SUPT20H: variants seen among roughly 807,000 people sequenced by gnomAD.
SUPT20H encodes SPT20 homolog, SAGA complex component.
Under a neutral mutation model 122.8 loss-of-function variants are expected in SUPT20H, and 82 were observed. The observed-to-expected ratio is 0.67, with a 90% CI of 0.56 to 0.80. SUPT20H has a LOEUF of 0.80. Among genes scored for constraint, SUPT20H ranks in the 30% least tolerant of loss-of-function variants. SUPT20H has a pLI of 0.00. For missense variants in SUPT20H, 831 were observed against 921.6 expected (o/e 0.90, Z 1.27); for synonymous variants, 291 against 313.0 (o/e 0.93, Z 0.74).
chr13:37,013,061 A>C (rs2059869565), intron 23 of SUPT20H: 1 of 152,156 alleles, frequency 6.6e-6, no homozygotes, highest in African/African-American at 2.4e-5. Flanking sequence ...CAACAAGTTT[A>C]ACTCAATTCT....
chr13:37,028,048 A>T, intron 14 of SUPT20H, 100 bp downstream of exon 14: 1 of 1,178,808 alleles, frequency 8.5e-7, no homozygotes, highest in Non-Finnish European at 1.1e-6. Flanking sequence ...GAGTTCCCAA[A>T]GAGAAATTTT....
rs374296807 is a variant in SUPT20H, at chr13:37,040,465, G to T, written c.514-7C>A. 4.1e-5 allele frequency: 64 copies of T among 1,576,250 alleles called. No homozygotes were observed. The highest frequency in any genetic ancestry group is 3.5e-4 in the Middle Eastern group (2 of 5,664). ...GTACATCACAAATTAAAGTCTAGAAGAAATAAAAATTTAAAAAACTTATTA... is the reference window on the plus strand; with the variant it reads ...GTACATCACAAATTAAAGTCTAGAATAAATAAAAATTTAAAAAACTTATTA... On this transcript the variant is annotated splice_region_variant and splice_polypyrimidine_tract_variant and intron_variant, in intron 8 of 25. Coordinates refer to ENST00000350612, the MANE Select transcript of SUPT20H (RefSeq NM_001014286.3).
rs535104789 is a variant in SUPT20H, at chr13:37,054,263, T to G, written c.-93-2680A>C. Reference sequence around the variant, plus strand: ...AAAAGAGGGAATCCTCCCTAACTCATTTTATGAGGCCAGCATCATCCTGAT... The same window carrying G: ...AAAAGAGGGAATCCTCCCTAACTCAGTTTATGAGGCCAGCATCATCCTGAT... On this transcript the variant is annotated intron_variant, in intron 1 of 25. Coordinates refer to ENST00000350612, the MANE Select transcript of SUPT20H (RefSeq NM_001014286.3). 1.1e-4 allele frequency among the ~76,000 whole-genome samples: 17 copies of G among 152,324 alleles called. No individual in the cohort carries two copies. In the South Asian group the frequency reaches 3.5e-3, roughly 32 times the overall value.
chr13:37,048,010 A>G (rs1007440472), intron 3 of SUPT20H, 74 bp from the exon 4 acceptor site: 11 of 1,104,684 alleles, frequency 1.0e-5, no homozygotes, highest in Non-Finnish European at 1.3e-5. Flanking sequence ...AGTATATCTA[A>G]AACATACGTA....
At chr13:37,026,680 G>T in intron 15 of SUPT20H, 110 bp downstream of exon 15, 1 of 653,734 alleles carries the variant, frequency 1.5e-6, no homozygotes, top group Non-Finnish European at 2.5e-6. Context: ...TTCAAACAAA[G>T]TATACATATT....
At chr13:37,011,251 G>A in intron 24 of SUPT20H, among the ~76,000 whole-genome samples, 1 of 132,446 alleles carries the variant, frequency 7.6e-6, no homozygotes, top group East Asian at 1.9e-4. Context: ...ATGGCAGTCT[G>A]TGGCTAAGAA....
At position 37,012,311 on chromosome 13, in the gene SUPT20H, TAATA is replaced by T. The variant is rs2059748423; in HGVS notation, c.1993-18_1993-15del. 6.3e-7 allele frequency: 1 copy of T among 1,597,346 alleles called. No individual in the cohort carries two copies. Among genetic ancestry groups the T allele is most frequent in the African/African-American group, 1.3e-5 (1 of 74,222 alleles). Reference sequence around the variant, plus strand: ...TTGCTCAGAACCCTGAATAAAAAAATAATAAATGACTTGTACAAGAAAGAAAAAC... The same window carrying T: ...TTGCTCAGAACCCTGAATAAAAAAATAATGACTTGTACAAGAAAGAAAAAC... On this transcript the variant is annotated splice_polypyrimidine_tract_variant and intron_variant, in intron 23 of 25. Coordinates refer to ENST00000350612, the MANE Select transcript of SUPT20H (RefSeq NM_001014286.3).
intron 10 of SUPT20H, among the ~76,000 whole-genome samples, chr13:37,032,424 G>C (rs1004963198): frequency 3.3e-5 from 5 of 152,070 alleles, no homozygotes; most frequent in African/African-American, 1.2e-4. Context: ...AAAAATCAAC[G>C]ATTCTTCTTA....
intron 16 of SUPT20H, chr13:37,025,706 TTAAG>T (rs1189823968): frequency 1.2e-5 from 4 of 324,834 alleles, no homozygotes; most frequent in Non-Finnish European, 2.3e-5. Context: ...CAGGGATTAC[TTAAG>T]TAATAAGCAG....
chr13:37,036,347 A>G (rs2064395584), intron 9 of SUPT20H, among the ~76,000 whole-genome samples: 1 of 148,554 alleles, frequency 6.7e-6, no homozygotes, highest in African/African-American at 2.5e-5. Context: ...TTTCTTTGAG[A>G]CGGAGTCTTG....
chr13:37,034,583 A>G (rs2063993170), intron 9 of SUPT20H, among the ~76,000 whole-genome samples: 1 of 152,230 alleles, frequency 6.6e-6, no homozygotes, highest in South Asian at 2.1e-4. Context: ...CCATAACACA[A>G]AAGTGCAAGG....
intron 22 of SUPT20H, among the ~76,000 whole-genome samples, chr13:37,018,663 T>C (rs1233960010): frequency 1.3e-5 from 2 of 152,174 alleles, no homozygotes; most frequent in Non-Finnish European, 2.9e-5. Flanking sequence ...TCACCCCCCT[T>C]GTTTTTCTTT....
At chr13:37,010,682 G>C (rs777116784) in intron 24 of SUPT20H, 27 bp from the exon 25 acceptor site, 1 of 1,592,622 alleles carries the variant, frequency 6.3e-7, no homozygotes, top group Non-Finnish European at 8.6e-7. Flanking sequence ...GGGAAAGCAG[G>C]CCAGTCAAAA....
At position 37,009,357 on chromosome 13, in the gene SUPT20H, C is replaced by A; in HGVS notation, c.*315G>T. 1 of 967,916 alleles carries A rather than the reference C, an allele frequency of 1.0e-6. No homozygotes were observed. The highest frequency in any genetic ancestry group is 1.6e-6 in the Non-Finnish European group (1 of 621,910). The allele number at this position is 967,916 out of a possible 1,614,324, so 60.0% of individuals were successfully genotyped here. ...AAATTGTATTTGTTAACACTGTGCACAAACGTTTTATACTAAATAAATATC... is the reference window on the plus strand; with the variant it reads ...AAATTGTATTTGTTAACACTGTGCAAAAACGTTTTATACTAAATAAATATC... On this transcript the variant is annotated 3_prime_UTR_variant, in exon 26 of 26. Transcript: ENST00000350612.
intron 17 of SUPT20H, 105 bp from the exon 18 acceptor site, chr13:37,024,547 G>A: frequency 1.3e-6 from 1 of 760,218 alleles, no homozygotes; most frequent in Non-Finnish European, 1.9e-6. Context: ...AATTAATACT[G>A]CTATAAATCC....
intron 14 of SUPT20H, 116 bp from the exon 15 acceptor site, chr13:37,026,932 T>C (rs910639881): frequency 9.1e-6 from 6 of 656,754 alleles, no homozygotes; most frequent in Non-Finnish European, 1.4e-5. Flanking sequence ...TAATAAATCA[T>C]GCAGCTACTC....
In SUPT20H at chr13:37,029,672, A is replaced by C. The variant is rs113941160; in HGVS notation, c.993+93T>G. ...TAATTTAAAAAAGAAAAAAGGTCCCAAACTAATGGCAATTGCACTTTATGT... is the reference window on the plus strand; with the variant it reads ...TAATTTAAAAAAGAAAAAAGGTCCCCAACTAATGGCAATTGCACTTTATGT... On this transcript the variant is annotated intron_variant, in intron 13 of 25. Coordinates refer to ENST00000350612, the MANE Select transcript of SUPT20H (RefSeq NM_001014286.3). The C allele has an allele frequency of 5.1e-3, 5,467 of 1,076,320 alleles. 28 individuals carry two copies. The highest frequency in any genetic ancestry group is 0.023 in the Middle Eastern group (117 of 5,020). 66.7% of individuals were successfully genotyped at this position (1,076,320 alleles called of 1,614,324 possible).
At chr13:37,027,447 G>T (rs541656681) in intron 14 of SUPT20H, among the ~76,000 whole-genome samples, 1 of 152,034 alleles carries the variant, frequency 6.6e-6, no homozygotes, top group Admixed American at 6.6e-5. Context: ...CCTAAATATT[G>T]GTGGGGTTGC....
At chr13:37,054,915 A>G (rs2139402027) in intron 1 of SUPT20H, among the ~76,000 whole-genome samples, 1 of 152,394 alleles carries the variant, frequency 6.6e-6, no homozygotes, top group East Asian at 1.9e-4. Context: ...CAACTTCAGC[A>G]AAGTCTCAGG....
Sources: gnomAD v4.1 joint callset for allele counts (sites outside exome capture counted in the v4.1 genomes callset) on GRCh38, gnomAD v4.1.1 for gene constraint, MANE v1.5 for transcripts, NCBI Gene and HGNC (gene_info 2026-07-23, HGNC 2026-07-21) for gene names.